The following HCN2 variants were observed in gnomAD, a reference collection of about 807,000 sequenced individuals.
The protein encoded by HCN2 is potassium/sodium hyperpolarization-activated cyclic nucleotide-gated channel 2.
HCN2 carries 20 observed loss-of-function variants against 52.3 expected under a neutral mutation model. That is an observed-to-expected ratio of 0.38 (90% CI 0.27 to 0.56). HCN2 has a LOEUF of 0.56. Among genes scored for constraint, HCN2 ranks in the 20% least tolerant of loss-of-function variants. The pLI, the probability that HCN2 is intolerant of heterozygous loss-of-function variation, is 0.71. For synonymous variants in HCN2, 694 were observed against 537.0 expected (o/e 1.29, Z -4.04); for missense variants, 981 against 1,207.7 (o/e 0.81, Z 2.78).
At position 590,733 on chromosome 19, in the gene HCN2, GGA is replaced by G; in HGVS notation, c.632+158_632+159del. 2.2e-6 allele frequency: 1 copy of G among 460,610 alleles called. No individual in the cohort carries two copies. Among genetic ancestry groups the G allele is most frequent in the Non-Finnish European group, 3.3e-6 (1 of 300,154 alleles). The allele number at this position is 460,610 out of a possible 1,614,324, so 28.5% of individuals were successfully genotyped here. A position where few individuals can be genotyped will look rare whatever the true frequency, so the allele number is the denominator to read the frequency against. On this transcript the variant is annotated intron_variant, in intron 1 of 7. Coordinates refer to ENST00000251287, the MANE Select transcript of HCN2 (RefSeq NM_001194.4). The surrounding 1 kb of genome is among the most constrained non-coding windows in gnomAD (Gnocchi z 7.2). The stretch of plus-strand genomic sequence containing the variant: ...CTCGGGCGTGTCCGGGACCCGCCCC[GGA>G]GTGACCCCGGCGCGCGAGGCTCCGC...
intron 5 of HCN2, 34 bp from the exon 6 acceptor site, chr19:613,214 C>T (rs1983721809): frequency 6.3e-7 from 1 of 1,580,272 alleles, no homozygotes. Flanking sequence ...GGAGTGGGGT[C>T]CGCAGCGGAC....
chr19:607,855 G>A (rs1983472803), intron 3 of HCN2, 109 bp from the exon 4 acceptor site: 19 of 742,874 alleles, frequency 2.6e-5, no homozygotes, highest in Non-Finnish European at 3.8e-5. Context: ...AACATGGGGA[G>A]CTCACCACCT....
At chr19:607,839 C>G in intron 3 of HCN2, 125 bp from the exon 4 acceptor site, 1 of 672,342 alleles carries the variant, frequency 1.5e-6, no homozygotes, top group Non-Finnish European at 2.6e-6. Context: ...CTCTTGGTTA[C>G]CTCTGAACAT....
At chr19:610,993 G>C (rs560469621) in intron 5 of HCN2, among the ~76,000 whole-genome samples, 3 of 148,318 alleles carry the variant, frequency 2.0e-5, no homozygotes, top group Admixed American at 2.0e-4. Context: ...CTTGCAGATT[G>C]ATCTCCCTGA....
At chr19:594,786 C>T (rs1437255522) in intron 1 of HCN2, among the ~76,000 whole-genome samples, 1 of 152,120 alleles carries the variant, frequency 6.6e-6, no homozygotes, top group Non-Finnish European at 1.5e-5. Context: ...GTGGGGTGTG[C>T]ATGGACCCAT....
rs1555731835 is a variant in HCN2, at chr19:612,427, T to TGAGAGAGA, written c.1585-818_1585-811dup. On this transcript the variant is annotated intron_variant, in intron 5 of 7. Coordinates refer to ENST00000251287, the MANE Select transcript of HCN2 (RefSeq NM_001194.4). Reference sequence around the variant, plus strand: ...GTGTGTGTGTGTGTGTGTGTGTGTGTGAGAGAGAGATGGAGTCTCGCTCTG... The same window carrying TGAGAGAGA: ...GTGTGTGTGTGTGTGTGTGTGTGTGTGAGAGAGAGAGAGAGAGATGGAGTCTCGCTCTG... Among the ~76,000 whole-genome samples the TGAGAGAGA allele has an allele frequency of 4.2e-3, 591 of 142,336 alleles. 3 individuals are homozygous for TGAGAGAGA. The highest frequency in any genetic ancestry group is 0.015 in the African/African-American group (556 of 38,164). 93.4% of individuals were successfully genotyped at this position (142,336 alleles called of 152,430 possible). A position where few individuals can be genotyped will look rare whatever the true frequency, so the allele number is the denominator to read the frequency against.
chr19:604,981 T>C, intron 2 of HCN2, 80 bp from the exon 3 acceptor site: 1 of 1,251,156 alleles, frequency 8.0e-7, no homozygotes, highest in Non-Finnish European at 1.0e-6. Flanking sequence ...GCTCCCGCAG[T>C]GGGGGCGCAC....
At chr19:610,451 C>T (rs1022085745) in intron 5 of HCN2, 46 bp downstream of exon 5, 1 of 1,568,064 alleles carries the variant, frequency 6.4e-7, no homozygotes, top group East Asian at 2.2e-5. Context: ...CGGTACAGGG[C>T]CGGCCTCCCT....
At chr19:600,363 A>C (rs1488993854) in intron 1 of HCN2, among the ~76,000 whole-genome samples, 2 of 150,562 alleles carry the variant, frequency 1.3e-5, no homozygotes, top group African/African-American at 4.9e-5. Context: ...ATTTTTTGAG[A>C]TGGGGTCTCA....
intron 5 of HCN2, 120 bp from the exon 6 acceptor site, chr19:613,128 C>T: frequency 2.2e-6 from 3 of 1,348,436 alleles, no homozygotes; most frequent in Non-Finnish European, 3.0e-6. Context: ...GGCTACGGGG[C>T]TGAGCCCGTC....
At chr19:610,648 TGACAGGGCGGGGCAGA>T (rs1983591131) in intron 5 of HCN2, among the ~76,000 whole-genome samples, 1 of 152,118 alleles carries the variant, frequency 6.6e-6, no homozygotes, top group South Asian at 2.1e-4. Context: ...GGTCTGTGCC[TGACAGGGCGGGGCAGA>T]AGCAGGGCAG....
chr19:610,391 G>A lies in HCN2; in HGVS notation c.1570G>A (p.Gly524Arg), dbSNP rs764163497. 3.1e-6 allele frequency: 5 copies of A among 1,613,330 alleles called. No individual in the cohort carries two copies. The highest frequency in any genetic ancestry group is 2.2e-5 in the East Asian group (1 of 44,868). ...DEDSILGELN[G>R]PLREEIVNFN... ...GGACAGCATCCTGGGCGAGCTCAAC[G>A]GGCCCCTGCGGGAGGTGAGGCGGGC... The change falls in exon 5 of 8, where the codon GGG becomes AGG. Residue 524 changes from glycine (G) to arginine (R), a missense_variant. Gly to Arg is a moderately radical substitution (Grantham distance 125, BLOSUM62 -2). Coordinates refer to ENST00000251287, the MANE Select transcript of HCN2 (RefSeq NM_001194.4).
At position 594,230 on chromosome 19, in the gene HCN2, G is replaced by T. The variant is rs554573607; in HGVS notation, c.632+3653G>T. Among the ~76,000 whole-genome samples the T allele has an allele frequency of 1.8e-3, 270 of 152,274 alleles. 2 individuals are homozygous for T. Among genetic ancestry groups the T allele is most frequent in the South Asian group, 0.012 (59 of 4,828 alleles). ...CCCTCCCTGCCCCCGGTGTCACCGA[G>T]GGGGCTGGGCAGACCTGGCGGGGTG... On this transcript the variant is annotated intron_variant, in intron 1 of 7. Coordinates refer to ENST00000251287, the MANE Select transcript of HCN2 (RefSeq NM_001194.4).
intron 1 of HCN2, among the ~76,000 whole-genome samples, chr19:601,741 A>G (rs1983209698): frequency 1.3e-5 from 2 of 152,132 alleles, no homozygotes; most frequent in Admixed American, 1.3e-4. Context: ...TCGATAGCGA[A>G]AGGGTTGGGC....
chr19:609,422 G>T (rs1264545766), intron 4 of HCN2, among the ~76,000 whole-genome samples: 1 of 152,202 alleles, frequency 6.6e-6, no homozygotes, highest in Non-Finnish European at 1.5e-5. Flanking sequence ...GCCTCTCCTC[G>T]TAGAGTCAGG....
chr19:595,530 C>T (rs1983002312), intron 1 of HCN2, among the ~76,000 whole-genome samples: 1 of 152,208 alleles, frequency 6.6e-6, no homozygotes, highest in African/African-American at 2.4e-5. Flanking sequence ...CCTGCTGCCC[C>T]TCTTCAGCCA....
rs767091763 is a variant in HCN2, at chr19:605,250, G to T, written c.1218+28G>T. ...GAGCGCCGCGGGCCCTGACGGAGGG[G>T]GAGACGCAGGCTCCCATACAGAGGG... On this transcript the variant is annotated intron_variant, in intron 3 of 7. Transcript: ENST00000251287. 11 of 1,606,226 alleles carry T rather than the reference G, an allele frequency of 6.8e-6. No homozygotes were observed. In the African/African-American group the frequency reaches 1.3e-4, roughly 20 times the overall value.
intron 1 of HCN2, among the ~76,000 whole-genome samples, chr19:598,867 T>C (rs1983116246): frequency 6.6e-6 from 1 of 152,234 alleles, no homozygotes; most frequent in South Asian, 2.1e-4. Flanking sequence ...CTCAGCCTCC[T>C]TAAGCCCTGG....
intron 5 of HCN2, among the ~76,000 whole-genome samples, chr19:611,637 T>C (rs1983642204): frequency 6.6e-6 from 1 of 152,238 alleles, no homozygotes; most frequent in Non-Finnish European, 1.5e-5. Flanking sequence ...TTTGTAGAGA[T>C]ATAACACTCA....
Sources: gnomAD v4.1 joint callset for allele counts (sites outside exome capture counted in the v4.1 genomes callset) on GRCh38, gnomAD v4.1.1 for gene constraint, Gnocchi (gnomAD v3.1) non-coding constraint, MANE v1.5 for transcripts, NCBI Gene and HGNC (gene_info 2026-07-23, HGNC 2026-07-21) for gene names.